TMEM132E: variants seen among roughly 807,000 people sequenced by gnomAD.
TMEM132E encodes the protein transmembrane protein 132E.
A neutral mutation model predicts 78.5 loss-of-function variants in TMEM132E; 49 were observed. That is an observed-to-expected ratio of 0.62 (90% CI 0.50 to 0.79). The LOEUF is 0.79. Ranked by LOEUF, TMEM132E falls within the 30% of genes least tolerant of loss-of-function variation. The pLI, the probability that TMEM132E is intolerant of heterozygous loss-of-function variation, is 0.00. For missense variants in TMEM132E, 1,403 were observed against 1,470.9 expected (o/e 0.95, Z 0.75); for synonymous variants, 715 against 670.6 (o/e 1.07, Z -1.02).
At chr17:34,633,502 C>T (rs762812606) in intron 6 of TMEM132E, among the ~76,000 whole-genome samples, 13 of 152,356 alleles carry the variant, frequency 8.5e-5, no homozygotes, top group East Asian at 3.9e-4. Flanking sequence ...GGTGCCCATA[C>T]GTGGGGCACA....
At chr17:34,625,586 G>T (rs768463809) in intron 1 of TMEM132E, among the ~76,000 whole-genome samples, 2 of 150,350 alleles carry the variant, frequency 1.3e-5, no homozygotes, top group South Asian at 2.1e-4. Flanking sequence ...AACTGGTCGC[G>T]TGGATGGAGA....
intron 1 of TMEM132E, among the ~76,000 whole-genome samples, chr17:34,587,112 G>A (rs867711046): frequency 2.2e-4 from 33 of 152,146 alleles, no homozygotes; most frequent in African/African-American, 8.0e-4. Context: ...TGGAGAATGA[G>A]GTTACCAGGA....
chr17:34,619,259 A>G (rs1402291102), intron 1 of TMEM132E, among the ~76,000 whole-genome samples: 2 of 151,432 alleles, frequency 1.3e-5, no homozygotes, highest in Non-Finnish European at 2.9e-5. Context: ...GCACTGTTCT[A>G]GGCTCGGGGT....
chr17:34,623,686 CA>C (rs959711258), intron 1 of TMEM132E, among the ~76,000 whole-genome samples: 1 of 152,194 alleles, frequency 6.6e-6, no homozygotes, highest in African/African-American at 2.4e-5. Flanking sequence ...AATGGAGGCT[CA>C]AAATGGAAAG....
rs1474724387 is a variant in TMEM132E at position 34,637,231 on chromosome 17, T to C, written c.2224T>C (p.Ser742Pro). Residue 742 changes from serine to proline, a missense_variant, in exon 9 of 9, where the codon TCC becomes CCC. Coordinates refer to ENST00000631683, the MANE Select transcript of TMEM132E (RefSeq NM_001304438.2). ...CAGTGATGGCACCACAGCCCCACTC[T>C]CCCTCTACAGCCCACGAGACTATGG... is the stretch of plus-strand genomic sequence containing the variant. ...SYSDGTTAPL[S>P]LYSPRDYGLL... 6.2e-7 allele frequency: 1 copy of C among 1,613,146 alleles called. No homozygotes were observed. The highest frequency in any genetic ancestry group is 8.5e-7 in the Non-Finnish European group (1 of 1,179,436).
intron 1 of TMEM132E, among the ~76,000 whole-genome samples, chr17:34,613,211 A>ACACACACACG: frequency 1.1e-3 from 125 of 115,966 alleles, no homozygotes; most frequent in African/African-American, 2.2e-3. Flanking sequence ...ACACACACAC[A>ACACACACACG]CGCGCGCGCG....
At chr17:34,598,311 T>C (rs912036398) in intron 1 of TMEM132E, among the ~76,000 whole-genome samples, 8 of 151,956 alleles carry the variant, frequency 5.3e-5, no homozygotes, top group African/African-American at 1.7e-4. Context: ...ATTGAGCCCA[T>C]CAGGTGATGG....
intron 3 of TMEM132E, 25 bp from the exon 4 acceptor site, chr17:34,628,987 C>G (rs761605206): frequency 1.3e-6 from 2 of 1,532,552 alleles, no homozygotes; most frequent in African/African-American, 1.4e-5. Flanking sequence ...ATCCTCTGCT[C>G]TCCTTCCCTC....
chr17:34,613,197 C>CACCCACA, intron 1 of TMEM132E, among the ~76,000 whole-genome samples: 1 of 131,150 alleles, frequency 7.6e-6, no homozygotes, highest in African/African-American at 2.8e-5. Context: ...ACACACACAC[C>CACCCACA]CACACACACA....
At chr17:34,590,824 G>A (rs1184901536) in intron 1 of TMEM132E, among the ~76,000 whole-genome samples, 2 of 152,194 alleles carry the variant, frequency 1.3e-5, no homozygotes, top group Non-Finnish European at 2.9e-5. Context: ...CATCATCAAA[G>A]CAGGGTTCTC....
intron 1 of TMEM132E, among the ~76,000 whole-genome samples, chr17:34,582,449 G>A (rs568463787): frequency 1.3e-5 from 2 of 152,136 alleles, no homozygotes; most frequent in African/African-American, 4.8e-5. Flanking sequence ...GGGCTAGGAG[G>A]GGGGCGGGGA....
At chr17:34,598,842 C>G (rs1461260155) in intron 1 of TMEM132E, among the ~76,000 whole-genome samples, 1 of 152,136 alleles carries the variant, frequency 6.6e-6, no homozygotes, top group Non-Finnish European at 1.5e-5. Flanking sequence ...TTTGGGTTTC[C>G]CTGGGGTGGG....
chr17:34,633,183 T>C (rs1597692886), intron 6 of TMEM132E, among the ~76,000 whole-genome samples: 1 of 152,140 alleles, frequency 6.6e-6, no homozygotes. Context: ...TGGTGGTGGG[T>C]GGGAAGCCCC....
chr17:34,595,177 C>G (rs1188475884), intron 1 of TMEM132E, among the ~76,000 whole-genome samples: 1 of 152,240 alleles, frequency 6.6e-6, no homozygotes, highest in African/African-American at 2.4e-5. Flanking sequence ...GCCCATTCAG[C>G]CACTGCAGTG....
At chr17:34,633,900 C>T (rs941066434) in intron 6 of TMEM132E, among the ~76,000 whole-genome samples, 1 of 152,190 alleles carries the variant, frequency 6.6e-6, no homozygotes, top group Non-Finnish European at 1.5e-5. Flanking sequence ...GCCAGACAGC[C>T]TGGTTTAAGT....
intron 2 of TMEM132E, 26 bp from the exon 3 acceptor site, chr17:34,628,537 C>T (rs775925915): frequency 1.9e-6 from 3 of 1,613,040 alleles, no homozygotes; most frequent in Non-Finnish European, 2.5e-6. Flanking sequence ...GACCCTCTCC[C>T]TCTTCTTCCT....
chr17:34,604,291 A>T (rs1339855352), intron 1 of TMEM132E, among the ~76,000 whole-genome samples: 2 of 152,096 alleles, frequency 1.3e-5, no homozygotes, highest in Admixed American at 6.5e-5. Context: ...TGGGGACTCC[A>T]CATCTCTCCC....
chr17:34,627,471 T>TGCGCGC (rs761485245), intron 2 of TMEM132E, among the ~76,000 whole-genome samples: 1 of 115,556 alleles, frequency 8.7e-6, no homozygotes, highest in African/African-American at 3.0e-5. Flanking sequence ...AAGAATCGTG[T>TGCGCGC]GTGTGTGTGT....
At position 34,638,277 on chromosome 17, in the gene TMEM132E, A is replaced by C. The variant is rs1907616233; in HGVS notation, c.*45A>C. On this transcript the variant is annotated 3_prime_UTR_variant, in exon 9 of 9. Transcript: ENST00000631683. ...AGGGACCCCCCCCCCCAACGGGGTC[A>C]GCTCGGGGTAGGACACAGCCGGGAC... 6.8e-7 allele frequency: 1 copy of C among 1,480,498 alleles called. No homozygotes were observed. The highest frequency in any genetic ancestry group is 2.3e-5 in the Admixed American group (1 of 42,612). 91.7% of individuals were successfully genotyped at this position (1,480,498 alleles called of 1,614,324 possible).
Sources: gnomAD v4.1 joint callset for allele counts (sites outside exome capture counted in the v4.1 genomes callset) on GRCh38, gnomAD v4.1.1 for gene constraint, MANE v1.5 for transcripts, NCBI Gene and HGNC (gene_info 2026-07-23, HGNC 2026-07-21) for gene names.